TGFA: variants seen among roughly 807,000 people sequenced by gnomAD.
The protein encoded by TGFA is transforming growth factor alpha.
A neutral mutation model predicts 21.7 loss-of-function variants in TGFA; 12 were observed. The ratio of observed to expected loss-of-function variants is 0.55; its 90% confidence interval spans 0.35 to 0.90. The LOEUF (loss-of-function observed/expected upper bound fraction) is 0.90. TGFA is among the 40% of genes least tolerant of loss of function. The pLI, the probability that TGFA is intolerant of heterozygous loss-of-function variation, is 0.01. For synonymous variants in TGFA, 79 were observed against 88.1 expected (o/e 0.90, Z 0.58); for missense variants, 178 against 210.8 (o/e 0.84, Z 0.96).
chr2:70,487,820 C>T (rs1553496943), intron 2 of TGFA, among the ~76,000 whole-genome samples: 1 of 152,112 alleles, frequency 6.6e-6, no homozygotes, highest in Non-Finnish European at 1.5e-5. Flanking sequence ...TTTGTTCACG[C>T]ACATTTATGA....
chr2:70,452,917 T>G (rs1553489875), intron 5 of TGFA, among the ~76,000 whole-genome samples: 1 of 152,106 alleles, frequency 6.6e-6, no homozygotes, highest in Non-Finnish European at 1.5e-5. Flanking sequence ...CACTCCAGCC[T>G]GGGTGATAGA....
intron 1 of TGFA, among the ~76,000 whole-genome samples, chr2:70,534,341 G>T (rs1354672406): frequency 2.0e-5 from 3 of 152,184 alleles, no homozygotes; most frequent in African/African-American, 7.2e-5. Flanking sequence ...TAAAGTAAAA[G>T]TGTTAAAGAC....
intron 2 of TGFA, 53 bp from the exon 3 acceptor site, chr2:70,465,789 C>A (rs1428318998): frequency 1.2e-6 from 2 of 1,603,984 alleles, no homozygotes; most frequent in African/African-American, 2.7e-5. Flanking sequence ...GACATGCAAA[C>A]CCCACACCTC....
chr2:70,487,285 A>G (rs1244329869), intron 2 of TGFA, among the ~76,000 whole-genome samples: 1 of 152,110 alleles, frequency 6.6e-6, no homozygotes, highest in Non-Finnish European at 1.5e-5. Context: ...CACTTCCCCA[A>G]CTCAATTAAG....
intron 2 of TGFA, among the ~76,000 whole-genome samples, chr2:70,502,427 C>T (rs185206082): frequency 6.6e-6 from 1 of 152,286 alleles, no homozygotes; most frequent in South Asian, 2.1e-4. Flanking sequence ...GCAACCTTCG[C>T]TTCCCGGGTT....
rs189771193 is a variant in TGFA, at chr2:70,544,070, A to T, written c.40+9658T>A. The stretch of plus-strand genomic sequence containing the variant: ...TCCTGCTTTAAAAAACTAACAAAAC[A>T]AAAAATGCCAACTCTTTTAGTAAAT... On this transcript the variant is annotated intron_variant, in intron 1 of 5. Coordinates refer to ENST00000295400, the MANE Select transcript of TGFA (RefSeq NM_003236.4). Among the ~76,000 whole-genome samples, 631 of 152,266 alleles carry T rather than the reference A, an allele frequency of 4.1e-3. 1 individual carries two copies. Among genetic ancestry groups the T allele is most frequent in the African/African-American group, 0.014 (571 of 41,576 alleles).
intron 2 of TGFA, among the ~76,000 whole-genome samples, chr2:70,480,064 CTAGA>C (rs3836152): frequency 0.28 from 41,916 of 151,864 alleles, 6,451 homozygotes; most frequent in East Asian, 0.39. Context: ...TATTTTGGGG[CTAGA>C]TAAAGACAGA....
At chr2:70,461,654 C>T (rs1670408929) in intron 3 of TGFA, 1 of 152,202 alleles carries the variant, frequency 6.6e-6, no homozygotes, top group African/African-American at 2.4e-5. Flanking sequence ...CAACGGTTTT[C>T]CTTTGTTTGA....
chr2:70,528,390 C>T (rs1672704739), intron 1 of TGFA, among the ~76,000 whole-genome samples: 1 of 151,930 alleles, frequency 6.6e-6, no homozygotes, highest in African/African-American at 2.4e-5. Context: ...TGCCCTGTAC[C>T]CCAAGCCTCA....
chr2:70,549,779 A>C (rs1367134950), intron 1 of TGFA, among the ~76,000 whole-genome samples: 1 of 152,242 alleles, frequency 6.6e-6, no homozygotes, highest in Non-Finnish European at 1.5e-5. Context: ...TAACAGTAAC[A>C]AGAAGCATCA....
rs781794863 is a variant in TGFA at position 70,528,385 on chromosome 2, T to G, written c.41-13473A>C. On this transcript the variant is annotated intron_variant, in intron 1 of 5. Coordinates refer to ENST00000295400, the MANE Select transcript of TGFA (RefSeq NM_003236.4). ...CTGATCTCGCCGGGCTGGGCTGCCCTGTACCCCAAGCCTCACTCTCACACT... is the reference window on the plus strand; with the variant it reads ...CTGATCTCGCCGGGCTGGGCTGCCCGGTACCCCAAGCCTCACTCTCACACT... Among the ~76,000 whole-genome samples, 132 of 152,110 alleles carry G rather than the reference T, an allele frequency of 8.7e-4. 2 individuals are homozygous for G. The highest frequency in any genetic ancestry group is 1.5e-3 in the Admixed American group (23 of 15,276).
intron 2 of TGFA, among the ~76,000 whole-genome samples, chr2:70,511,575 C>G (rs1672100763): frequency 6.6e-6 from 1 of 152,190 alleles, no homozygotes; most frequent in African/African-American, 2.4e-5. Context: ...CCTTCCATAT[C>G]TGAGGATCTA....
intron 3 of TGFA, among the ~76,000 whole-genome samples, chr2:70,463,104 A>G (rs1226563071): frequency 3.3e-5 from 5 of 151,942 alleles, no homozygotes; most frequent in African/African-American, 4.8e-5. Context: ...ACTGAACTCC[A>G]CCTCTGCCGG....
At chr2:70,486,655 G>A (rs1553496750) in intron 2 of TGFA, among the ~76,000 whole-genome samples, 1 of 151,890 alleles carries the variant, frequency 6.6e-6, no homozygotes, top group Non-Finnish European at 1.5e-5. Context: ...TAGAGATGAG[G>A]ATTTGCATGT....
At chr2:70,485,825 C>T (rs1268509648) in intron 2 of TGFA, among the ~76,000 whole-genome samples, 3 of 152,194 alleles carry the variant, frequency 2.0e-5, no homozygotes, top group Admixed American at 1.3e-4. Flanking sequence ...ACTCTGGTGG[C>T]TGGCTGTGTT....
intron 1 of TGFA, among the ~76,000 whole-genome samples, chr2:70,524,447 G>T (rs1459047303): frequency 2.0e-5 from 3 of 152,206 alleles, no homozygotes; most frequent in Admixed American, 1.3e-4. Context: ...GCACTGGCTG[G>T]CTGAGGGCCC....
chr2:70,504,461 T>TATATATATATATATAA, intron 2 of TGFA, among the ~76,000 whole-genome samples: 1 of 65,166 alleles, frequency 1.5e-5, no homozygotes, highest in East Asian at 5.3e-4. Flanking sequence ...TATATATATA[T>TATATATATATATATAA]ATACACACAT....
chr2:70,484,314 G>A (rs1671209771), intron 2 of TGFA, among the ~76,000 whole-genome samples: 2 of 152,136 alleles, frequency 1.3e-5, no homozygotes, highest in African/African-American at 4.8e-5. Context: ...GAAGTTTGTT[G>A]CCAAACCACA....
chr2:70,528,450 A>G (rs1459896965), intron 1 of TGFA, among the ~76,000 whole-genome samples: 2 of 139,838 alleles, frequency 1.4e-5, no homozygotes, highest in Non-Finnish European at 3.0e-5. Context: ...AAAAACAATG[A>G]TCCCTGTGGA....
Sources: gnomAD v4.1 joint callset for allele counts (sites outside exome capture counted in the v4.1 genomes callset) on GRCh38, gnomAD v4.1.1 for gene constraint, MANE v1.5 for transcripts, NCBI Gene and HGNC (gene_info 2026-07-23, HGNC 2026-07-21) for gene names.